The following ULK4 variants were observed in gnomAD, a reference collection of about 807,000 sequenced individuals.
ULK4 encodes the protein inactive serine/threonine-protein kinase ULK4.
ULK4 carries 133 observed loss-of-function variants against 160.6 expected under a neutral mutation model. That is an observed-to-expected ratio of 0.83 (90% CI 0.72 to 0.96). The LOEUF is 0.96. ULK4 is among the 40% of genes least tolerant of loss of function. The pLI is 0.00. For missense variants in ULK4, 1,580 were observed against 1,499.5 expected (o/e 1.05, Z -0.89); for synonymous variants, 534 against 539.8 (o/e 0.99, Z 0.15).
chr3:41,266,660 G>C (rs1559495366), intron 35 of ULK4, among the ~76,000 whole-genome samples: 1 of 152,156 alleles, frequency 6.6e-6, no homozygotes, highest in Non-Finnish European at 1.5e-5. Flanking sequence ...TTTTCAGTTG[G>C]GTTAGAGTGT....
intron 22 of ULK4, among the ~76,000 whole-genome samples, chr3:41,719,634 C>A (rs185509098): frequency 2.9e-4 from 44 of 152,268 alleles, no homozygotes; most frequent in African/African-American, 9.1e-4. Flanking sequence ...CCAACTCTTT[C>A]ACTTCTCCAC....
intron 31 of ULK4, 84 bp from the exon 32 acceptor site, chr3:41,566,214 T>C (rs1382928329): frequency 2.8e-6 from 3 of 1,058,108 alleles, no homozygotes; most frequent in Non-Finnish European, 4.3e-6. Flanking sequence ...TGATGTCCAC[T>C]GCTTCATTCT....
At chr3:41,462,541 T>C (rs532552663) in intron 33 of ULK4, among the ~76,000 whole-genome samples, 3 of 152,328 alleles carry the variant, frequency 2.0e-5, no homozygotes, top group South Asian at 2.1e-4. Flanking sequence ...TTATGGCTAA[T>C]TGGCTTTTTC....
At chr3:41,395,703 T>C (rs1208520055) in intron 35 of ULK4, among the ~76,000 whole-genome samples, 1 of 152,130 alleles carries the variant, frequency 6.6e-6, no homozygotes, top group East Asian at 1.9e-4. Context: ...TGGATAATAG[T>C]GATGGTTGCA....
intron 18 of ULK4, among the ~76,000 whole-genome samples, chr3:41,831,531 A>ATATATATATATATTTTTTTTTTTTTT: frequency 1.4e-5 from 2 of 138,060 alleles, no homozygotes; most frequent in African/African-American, 2.8e-5. Flanking sequence ...ATATATATAT[A>ATATATATATATATTTTTTTTTTTTTT]TTTTTTTTTC....
At chr3:41,305,374 GC>G (rs2079887153) in intron 35 of ULK4, among the ~76,000 whole-genome samples, 1 of 152,174 alleles carries the variant, frequency 6.6e-6, no homozygotes, top group Non-Finnish European at 1.5e-5. Flanking sequence ...GCGATTGCAG[GC>G]TCGAGCCGCC....
At chr3:41,376,001 G>C (rs2081481425) in intron 35 of ULK4, among the ~76,000 whole-genome samples, 1 of 150,304 alleles carries the variant, frequency 6.7e-6, no homozygotes, top group Admixed American at 6.6e-5. Flanking sequence ...CTCAAACGAA[G>C]ACATTTATGG....
intron 33 of ULK4, among the ~76,000 whole-genome samples, chr3:41,455,930 G>A (rs1221472147): frequency 3.3e-5 from 5 of 151,990 alleles, no homozygotes; most frequent in Non-Finnish European, 7.4e-5. Flanking sequence ...TTCTTTTTGA[G>A]TTGGAGTCTC....
intron 2 of ULK4, among the ~76,000 whole-genome samples, chr3:41,946,817 T>C (rs114056259): frequency 2.5e-3 from 380 of 152,278 alleles, no homozygotes; most frequent in African/African-American, 8.2e-3. Flanking sequence ...GTGGCATTTG[T>C]TCTGGATCCT....
chr3:41,878,105 TAG>T, intron 17 of ULK4, among the ~76,000 whole-genome samples: 1 of 135,944 alleles, frequency 7.4e-6, no homozygotes, highest in South Asian at 2.5e-4. Context: ...AAAAAAAACC[TAG>T]AGAACCCAGA....
At chr3:41,329,310 C>A (rs1018158019) in intron 35 of ULK4, among the ~76,000 whole-genome samples, 1 of 152,168 alleles carries the variant, frequency 6.6e-6, no homozygotes, top group African/African-American at 2.4e-5. Context: ...TTGGCTCAAT[C>A]TGGGGAGCAG....
chr3:41,395,556 G>A (rs1050893079), intron 35 of ULK4, among the ~76,000 whole-genome samples: 4 of 152,094 alleles, frequency 2.6e-5, no homozygotes, highest in African/African-American at 9.7e-5. Context: ...CCACTCGTAC[G>A]AGGTACCTAG....
In ULK4 at chr3:41,649,744, G is replaced by A. The variant is rs2034663247; in HGVS notation, c.3071+13863C>T. ...AGCACAAACAGCCTGGCCCACCATG[G>A]ATGGCATGTTGATGGCAGAAGGCAG... On this transcript the variant is annotated intron_variant, in intron 30 of 36. Coordinates refer to ENST00000301831, the MANE Select transcript of ULK4 (RefSeq NM_017886.4). Among the ~76,000 whole-genome samples, 10 of 152,352 alleles carry A rather than the reference G, an allele frequency of 6.6e-5. No individual in the cohort carries two copies. In the South Asian group the frequency reaches 2.1e-3, roughly 32 times the overall value.
intron 32 of ULK4, among the ~76,000 whole-genome samples, chr3:41,544,587 A>T (rs1163129219): frequency 6.6e-6 from 1 of 152,178 alleles, no homozygotes; most frequent in Non-Finnish European, 1.5e-5. Flanking sequence ...ACTTCTTTTA[A>T]GTTTCTTCAC....
At chr3:41,456,133 C>G (rs911389730) in intron 33 of ULK4, among the ~76,000 whole-genome samples, 2 of 152,188 alleles carry the variant, frequency 1.3e-5, no homozygotes, top group African/African-American at 4.8e-5. Flanking sequence ...AGGTCTCTAA[C>G]TCCTGACCTC....
intron 17 of ULK4, among the ~76,000 whole-genome samples, chr3:41,850,976 A>G (rs1575825689): frequency 6.6e-6 from 1 of 152,136 alleles, no homozygotes; most frequent in African/African-American, 2.4e-5. Flanking sequence ...ATCTTGAATT[A>G]ATTTTTGTAT....
chr3:41,276,271 C>T (rs983739871), intron 35 of ULK4, among the ~76,000 whole-genome samples: 6 of 152,238 alleles, frequency 3.9e-5, no homozygotes, highest in African/African-American at 1.4e-4. Context: ...AGACTCCTTT[C>T]TTCAGAGCTC....
chr3:41,332,838 ATTG>A (rs764078561), intron 35 of ULK4, among the ~76,000 whole-genome samples: 3 of 152,062 alleles, frequency 2.0e-5, no homozygotes, highest in Non-Finnish European at 4.4e-5. Flanking sequence ...CTCTGTGTCT[ATTG>A]TTGCCATCTT....
At chr3:41,765,179 C>T (rs1210981328) in intron 21 of ULK4, among the ~76,000 whole-genome samples, 1 of 152,122 alleles carries the variant, frequency 6.6e-6, no homozygotes, top group Non-Finnish European at 1.5e-5. Flanking sequence ...CAATGATAGA[C>T]TGGATTAAGA....
Sources: gnomAD v4.1 joint callset for allele counts (sites outside exome capture counted in the v4.1 genomes callset) on GRCh38, gnomAD v4.1.1 for gene constraint, MANE v1.5 for transcripts, NCBI Gene and HGNC (gene_info 2026-07-23, HGNC 2026-07-21) for gene names.